The following AGO3 variants were observed in gnomAD, a reference collection of about 807,000 sequenced individuals.
The protein encoded by AGO3 is argonaute RISC catalytic component 3, also known as protein argonaute-3.
Under a neutral mutation model 105.5 loss-of-function variants are expected in AGO3, and 16 were observed. The observed-to-expected ratio is 0.15, with a 90% CI of 0.10 to 0.23. AGO3 has a LOEUF of 0.23. AGO3 is among the 10% of genes least tolerant of loss of function. The probability of loss-of-function intolerance (pLI) is 1.00; values close to 1 mark genes in which losing one functional copy is unlikely to be tolerated. For missense variants in AGO3, 534 were observed against 1,088.0 expected (o/e 0.49, Z 7.16); for synonymous variants, 340 against 367.3 (o/e 0.93, Z 0.85).
intron 2 of AGO3, among the ~76,000 whole-genome samples, chr1:35,962,860 A>G (rs1446369051): frequency 6.6e-6 from 1 of 152,248 alleles, no homozygotes; most frequent in Non-Finnish European, 1.5e-5. Flanking sequence ...ATTTCTTAAT[A>G]CCTCAAAAGC....
chr1:36,022,876 G>A (rs1026552695), intron 11 of AGO3, among the ~76,000 whole-genome samples: 1 of 144,434 alleles, frequency 6.9e-6, no homozygotes, highest in African/African-American at 2.6e-5. Flanking sequence ...AGGTTTGATC[G>A]CTCCATTGCA....
chr1:36,062,136 A>C lies in AGO3; in HGVS notation c.*6391A>C, dbSNP rs1643033428. ...AGGGAAATGTAACTTGCCTGGAATC[A>C]TAGGCAACATTTTCTAATTAATCTT... is the stretch of plus-strand genomic sequence containing the variant. On this transcript the variant is annotated 3_prime_UTR_variant, in exon 19 of 19. Coordinates refer to ENST00000373191, the MANE Select transcript of AGO3 (RefSeq NM_024852.4). 6.6e-6 allele frequency: 1 copy of C among 151,976 alleles called. No individual in the cohort carries two copies. Among genetic ancestry groups the C allele is most frequent in the African/African-American group, 2.4e-5 (1 of 41,368 alleles). 9.4% of individuals were successfully genotyped at this position (151,976 alleles called of 1,614,324 possible).
At chr1:35,965,852 T>C (rs2148768948) in intron 2 of AGO3, among the ~76,000 whole-genome samples, 1 of 143,238 alleles carries the variant, frequency 7.0e-6, no homozygotes, top group South Asian at 2.2e-4. Flanking sequence ...TGAGACAGAG[T>C]TTTGCTCTTG....
At chr1:35,996,338 A>C (rs1639809106) in intron 5 of AGO3, among the ~76,000 whole-genome samples, 2 of 151,986 alleles carry the variant, frequency 1.3e-5, no homozygotes, top group South Asian at 4.2e-4. Context: ...AAAAAAAAAA[A>C]TGAAAACACA....
intron 3 of AGO3, among the ~76,000 whole-genome samples, chr1:35,971,260 A>G (rs1311135586): frequency 1.3e-5 from 2 of 150,510 alleles, no homozygotes; most frequent in Non-Finnish European, 3.0e-5. Flanking sequence ...CCTGAGTTCA[A>G]ATGATTCTCG....
chr1:35,950,744 T>C (rs2148754717), intron 2 of AGO3, among the ~76,000 whole-genome samples: 1 of 152,294 alleles, frequency 6.6e-6, no homozygotes, highest in Admixed American at 6.5e-5. Flanking sequence ...AGAGTATACA[T>C]TCTGTAACTT....
intron 17 of AGO3, among the ~76,000 whole-genome samples, chr1:36,049,875 T>C (rs1253783600): frequency 6.6e-6 from 1 of 152,128 alleles, no homozygotes; most frequent in Non-Finnish European, 1.5e-5. Context: ...CAGTTGTAAA[T>C]ATATATGCAG....
chr1:35,948,140 T>G (rs1646401920), intron 2 of AGO3, among the ~76,000 whole-genome samples: 1 of 152,014 alleles, frequency 6.6e-6, no homozygotes, highest in Non-Finnish European at 1.5e-5. Flanking sequence ...GGGATGTCAA[T>G]TCAAGTTTTT....
intron 2 of AGO3, among the ~76,000 whole-genome samples, chr1:35,957,856 A>G (rs181747592): frequency 2.7e-5 from 4 of 150,830 alleles, no homozygotes; most frequent in South Asian, 4.2e-4. Context: ...GCTGGAGGCC[A>G]GAATTTCAAG....
upstream of AGO3, chr1:35,930,991 C>T (rs1571394728): frequency 2.9e-6 from 1 of 344,578 alleles, no homozygotes; most frequent in Non-Finnish European, 5.2e-6. Context: ...CCGCGCCGGC[C>T]GCTCCTGCCC....
intron 1 of AGO3, among the ~76,000 whole-genome samples, chr1:35,933,392 C>T (rs1314378531): frequency 6.6e-6 from 1 of 151,912 alleles, no homozygotes; most frequent in Non-Finnish European, 1.5e-5. Flanking sequence ...CCTGTAATCT[C>T]AGCACTTTGG....
intron 2 of AGO3, among the ~76,000 whole-genome samples, chr1:35,954,133 A>G (rs1646522511): frequency 6.6e-6 from 1 of 152,186 alleles, no homozygotes; most frequent in Admixed American, 6.5e-5. Flanking sequence ...GTGTTTAGTG[A>G]TCTTGGGGAA....
chr1:35,965,603 A>C (rs1209211349), intron 2 of AGO3, among the ~76,000 whole-genome samples: 1 of 151,998 alleles, frequency 6.6e-6, no homozygotes, highest in East Asian at 1.9e-4. Flanking sequence ...TAAAAAATGA[A>C]TAGGTGAATC....
chr1:36,038,541 T>C (rs3738359), intron 14 of AGO3, among the ~76,000 whole-genome samples: 13,893 of 152,060 alleles, frequency 0.091, 2,009 homozygotes, highest in East Asian at 0.67. Flanking sequence ...AGGCGTGAGC[T>C]ACCGTGCCCG....
At chr1:35,982,790 G>GA (rs968292463) in intron 5 of AGO3, 27,408 of 446,754 alleles carry the variant, frequency 0.061, no homozygotes, top group South Asian at 0.086. Flanking sequence ...ACCATGTCCA[G>GA]AAAAAAAAAA....
Position 36,041,235 on chromosome 1 carries a change from C to CTTT in AGO3, c.2172+816_2172+818dup, listed in dbSNP as rs958423621. Reference sequence around the variant, plus strand: ...ATAAATACCTAAGGAAATATGTTTTCTTTTTTTTTTTTTTTTTTTTTTTTG... The same window carrying CTTT: ...ATAAATACCTAAGGAAATATGTTTTCTTTTTTTTTTTTTTTTTTTTTTTTTTTG... On this transcript the variant is annotated intron_variant, in intron 16 of 18. Transcript: ENST00000373191. 3.6e-3 allele frequency among the ~76,000 whole-genome samples: 315 copies of CTTT among 86,410 alleles called. 2 individuals are homozygous for CTTT. The highest frequency in any genetic ancestry group is 6.0e-3 in the African/African-American group (122 of 20,388). The allele number at this position is 86,410 out of a possible 152,430, so 56.7% of individuals were successfully genotyped here.
At chr1:36,011,491 TCA>T in intron 9 of AGO3, among the ~76,000 whole-genome samples, 1 of 152,310 alleles carries the variant, frequency 6.6e-6, no homozygotes, top group East Asian at 1.9e-4. Context: ...ACTCTCAAAA[TCA>T]GAGACTAAGA....
At chr1:35,989,760 G>A (rs971606638) in intron 5 of AGO3, among the ~76,000 whole-genome samples, 13 of 151,844 alleles carry the variant, frequency 8.6e-5, no homozygotes, top group Admixed American at 6.6e-4. Flanking sequence ...TTGCAATCCC[G>A]GCCACTCAGG....
Position 35,973,615 on chromosome 1 carries a change from A to G in AGO3, c.658+104A>G, listed in dbSNP as rs1571453538. 8.3e-6 allele frequency: 10 copies of G among 1,209,872 alleles called. No homozygotes were observed. The East Asian group carries it at 8.6e-5, about 10-fold the overall frequency. The allele number at this position is 1,209,872 out of a possible 1,614,324, so 74.9% of individuals were successfully genotyped here. ...ATACATACTGGTGTCTCGAAGTAAT[A>G]TTTGGACATGTATTATGATCTACTG... On this transcript the variant is annotated intron_variant, in intron 5 of 18. Coordinates refer to ENST00000373191, the MANE Select transcript of AGO3 (RefSeq NM_024852.4).
Sources: allele counts gnomAD v4.1 joint callset (sites outside exome capture counted in the v4.1 genomes callset), GRCh38; gene constraint gnomAD v4.1.1; transcripts MANE v1.5; gene names NCBI Gene and HGNC (gene_info 2026-07-23, HGNC 2026-07-21).